NFASC: variants seen among roughly 807,000 people sequenced by gnomAD.
The protein encoded by NFASC is neurofascin homolog.
A neutral mutation model predicts 147.5 loss-of-function variants in NFASC; 43 were observed. The observed-to-expected ratio is 0.29, with a 90% CI of 0.23 to 0.38. NFASC has a LOEUF of 0.38. Among genes scored for constraint, NFASC ranks in the 10% least tolerant of loss-of-function variants. The pLI is 1.00. For synonymous variants in NFASC, 622 were observed against 665.5 expected (o/e 0.93, Z 1.01); for missense variants, 1,320 against 1,689.0 (o/e 0.78, Z 3.83).
At chr1:205,004,273 G>T (rs1256425895) in intron 27 of NFASC, among the ~76,000 whole-genome samples, 3 of 152,254 alleles carry the variant, frequency 2.0e-5, no homozygotes, top group African/African-American at 7.2e-5. Context: ...AGGGCTGTGG[G>T]TGAGGGTTCA....
In NFASC at chr1:204,981,655, A is replaced by G. The variant is rs959188550; in HGVS notation, c.2248-143A>G. 8.2e-6 allele frequency: 4 copies of G among 488,430 alleles called. No individual in the cohort carries two copies. In the East Asian group the frequency reaches 1.4e-4, roughly 17 times the overall value. 30.3% of individuals were successfully genotyped at this position (488,430 alleles called of 1,614,324 possible). The stretch of plus-strand genomic sequence containing the variant: ...TGGGGGACTCACTGGGGTGGGGGAT[A>G]TGGTCTTCCCTACCCTGCAAGGGGG... On this transcript the variant is annotated intron_variant, in intron 20 of 29. Transcript: ENST00000339876.
intron 1 of NFASC, among the ~76,000 whole-genome samples, chr1:204,893,224 G>A (rs2082741781): frequency 2.0e-5 from 3 of 152,186 alleles, no homozygotes; most frequent in Non-Finnish European, 4.4e-5. Context: ...GAGAAGATTT[G>A]GTAGGATGAT....
intron 1 of NFASC, among the ~76,000 whole-genome samples, chr1:204,910,221 G>A (rs1180851853): frequency 2.0e-5 from 3 of 151,972 alleles, no homozygotes; most frequent in Non-Finnish European, 2.9e-5. Context: ...AACAAAGTAG[G>A]CCTCTCCATT....
At position 205,017,917 on chromosome 1, in the gene NFASC, TC is replaced by T. The variant is rs1227028068; in HGVS notation, c.*1385del. On this transcript the variant is annotated 3_prime_UTR_variant, in exon 30 of 30. Coordinates refer to ENST00000339876, the MANE Select transcript of NFASC (RefSeq NM_001005388.3). Reference sequence around the variant, plus strand: ...TCCCTGGAGTTCCCAGGTTCCCAGCTCCCCCCCTGCAAGCCTTGAAGCCTCC... The same window carrying T: ...TCCCTGGAGTTCCCAGGTTCCCAGCTCCCCCCTGCAAGCCTTGAAGCCTCC... 2 of 152,454 alleles carry T rather than the reference TC, an allele frequency of 1.3e-5. No homozygotes were observed. The highest frequency in any genetic ancestry group is 2.4e-5 in the African/African-American group (1 of 41,278). 9.4% of individuals were successfully genotyped at this position (152,454 alleles called of 1,614,324 possible).
chr1:204,846,891 C>T (rs1186159878), intron 1 of NFASC, among the ~76,000 whole-genome samples: 1 of 151,980 alleles, frequency 6.6e-6, no homozygotes, highest in African/African-American at 2.4e-5. Flanking sequence ...CAACTTTTGC[C>T]CCAGTCTACC....
At chr1:205,008,161 A>T (rs1042779433) in intron 27 of NFASC, among the ~76,000 whole-genome samples, 5 of 150,852 alleles carry the variant, frequency 3.3e-5, no homozygotes, top group African/African-American at 9.8e-5. Context: ...AAGGCTGTAA[A>T]ATCAGTCTTC....
intron 1 of NFASC, among the ~76,000 whole-genome samples, chr1:204,846,952 C>CGTGTGTGT (rs917596959): frequency 8.0e-6 from 1 of 124,586 alleles, no homozygotes; most frequent in African/African-American, 3.1e-5. Flanking sequence ...TGTGTGTACG[C>CGTGTGTGT]GTGTGTGTGT....
intron 1 of NFASC, among the ~76,000 whole-genome samples, chr1:204,885,303 T>G (rs1188758539): frequency 6.6e-6 from 1 of 152,050 alleles, no homozygotes; most frequent in African/African-American, 2.4e-5. Flanking sequence ...AGGAGGAAAT[T>G]GTTCCAGCCG....
At chr1:204,875,668 T>G (rs895244064) in intron 1 of NFASC, among the ~76,000 whole-genome samples, 2 of 149,092 alleles carry the variant, frequency 1.3e-5, no homozygotes, top group Non-Finnish European at 3.0e-5. Flanking sequence ...CCCTGCCCTT[T>G]CCCCCCACCA....
rs533044309 is a variant in NFASC at position 204,847,161 on chromosome 1, T to G, written c.-200+18379T>G. ...GGTGGTCATGGGGTCTAAGTGTGAG[T>G]GGCCTGTGACTACCCCATCCTGGCT... On this transcript the variant is annotated intron_variant, in intron 1 of 29. Transcript: ENST00000339876. Among the ~76,000 whole-genome samples, 63 of 151,946 alleles carry G rather than the reference T, an allele frequency of 4.1e-4. 1 individual carries two copies. The highest frequency in any genetic ancestry group is 2.9e-5 in the Non-Finnish European group (2 of 67,976).
rs1677049923 is a variant in NFASC, at chr1:204,846,424, T to C, written c.-200+17642T>C. Among the ~76,000 whole-genome samples the C allele has an allele frequency of 2.0e-5, 3 of 152,280 alleles. No homozygotes were observed. The South Asian group carries it at 6.2e-4, about 32-fold the overall frequency. On this transcript the variant is annotated intron_variant, in intron 1 of 29. Transcript: ENST00000339876. Reference sequence around the variant, plus strand: ...TCCTCCATAAAGATGGGGAAACTAATGCACAGAGAGCTTGGTGGCCATTTG... The same window carrying C: ...TCCTCCATAAAGATGGGGAAACTAACGCACAGAGAGCTTGGTGGCCATTTG...
At chr1:204,887,642 T>C (rs2081573529) in intron 1 of NFASC, among the ~76,000 whole-genome samples, 1 of 143,444 alleles carries the variant, frequency 7.0e-6, no homozygotes, top group Non-Finnish European at 1.5e-5. Context: ...TCTGTTGCTG[T>C]CACCCAGGCT....
intron 25 of NFASC, chr1:205,000,962 G>T: frequency 1.7e-6 from 1 of 598,682 alleles, no homozygotes; most frequent in Non-Finnish European, 3.1e-6. Context: ...CTCTGGCCTG[G>T]CCACCAAGGC....
At chr1:204,964,960 A>G (rs1264127781) in intron 8 of NFASC, among the ~76,000 whole-genome samples, 1 of 152,192 alleles carries the variant, frequency 6.6e-6, no homozygotes, top group Non-Finnish European at 1.5e-5. Context: ...AGGCATTGTC[A>G]TCTCCTGTTG....
At chr1:205,011,085 A>G (rs2096245753) in intron 28 of NFASC, among the ~76,000 whole-genome samples, 1 of 152,064 alleles carries the variant, frequency 6.6e-6, no homozygotes, top group African/African-American at 2.4e-5. Flanking sequence ...CCTGAAAGCA[A>G]AGATCTGGCT....
At chr1:204,836,169 T>C (rs955845480) in intron 1 of NFASC, among the ~76,000 whole-genome samples, 1 of 151,182 alleles carries the variant, frequency 6.6e-6, no homozygotes, top group African/African-American at 2.4e-5. Flanking sequence ...TGTGTGTGCG[T>C]GTGTGTGTGT....
intron 1 of NFASC, chr1:204,870,595 T>C: frequency 1.1e-6 from 1 of 893,884 alleles, no homozygotes; most frequent in Non-Finnish European, 1.3e-6. Context: ...TCTCTGTCTA[T>C]CCCCTCAGGA....
At chr1:204,944,451 G>C in intron 3 of NFASC, 45 bp downstream of exon 3, 1 of 586,520 alleles carries the variant, frequency 1.7e-6, no homozygotes, top group Non-Finnish European at 2.9e-6. Flanking sequence ...CTGATTTTGG[G>C]CAGAGGGGTG....
chr1:204,921,150 G>A (rs982481251), intron 2 of NFASC, among the ~76,000 whole-genome samples: 5 of 152,150 alleles, frequency 3.3e-5, no homozygotes, highest in African/African-American at 7.2e-5. Context: ...TGCCCTGGGC[G>A]GGGCATTGGG....
Sources: gnomAD v4.1 joint callset for allele counts (sites outside exome capture counted in the v4.1 genomes callset) on GRCh38, gnomAD v4.1.1 for gene constraint, MANE v1.5 for transcripts, NCBI Gene and HGNC (gene_info 2026-07-23, HGNC 2026-07-21) for gene names.